Variants in GABBR2 observed in about 807,000 individuals in gnomAD.
The protein encoded by GABBR2 is G-protein coupled receptor 51.
Under a neutral mutation model 105.6 loss-of-function variants are expected in GABBR2, and 23 were observed. The observed-to-expected ratio is 0.22, with a 90% confidence interval of 0.16 to 0.31. The LOEUF (loss-of-function observed/expected upper bound fraction) is 0.31. GABBR2 is among the 10% of genes least tolerant of loss of function. The pLI is 1.00. For synonymous variants in GABBR2, 478 were observed against 499.7 expected, an observed-to-expected ratio of 0.96 and a Z score of 0.58; for missense variants, 734 against 1,245.5, an observed-to-expected ratio of 0.59 and a Z score of 6.18.
chr9:98,393,167 C>G lies in GABBR2; in HGVS notation c.1378+1008G>C, dbSNP rs1280924123. On this transcript the variant is annotated intron_variant, in intron 9 of 18. Transcript: ENST00000259455. ...CCACTCATCCACCAACCCATCCATCCATCCATCCATCCATCCATCTATCCA... is the reference window on the plus strand; with the variant it reads ...CCACTCATCCACCAACCCATCCATCGATCCATCCATCCATCCATCTATCCA... 8.5e-3 allele frequency among the ~76,000 whole-genome samples: 1,243 copies of G among 146,346 alleles called. 2 individuals are homozygous for G. The highest frequency in any genetic ancestry group is 0.03 in the African/African-American group (1,162 of 39,224).
At chr9:98,676,897 A>G (rs1830484790) in intron 1 of GABBR2, among the ~76,000 whole-genome samples, 1 of 152,232 alleles carries the variant, frequency 6.6e-6, no homozygotes, top group Non-Finnish European at 1.5e-5. Flanking sequence ...AAACACAGAA[A>G]CAGATCTTTA....
intron 1 of GABBR2, among the ~76,000 whole-genome samples, chr9:98,658,422 TGA>T (rs1830211399): frequency 6.6e-6 from 1 of 152,106 alleles, no homozygotes; most frequent in Non-Finnish European, 1.5e-5. Context: ...AATGAATGAA[TGA>T]ATGTATGCTG....
intron 1 of GABBR2, among the ~76,000 whole-genome samples, chr9:98,612,858 C>T (rs59296507): frequency 0.013 from 2,016 of 152,190 alleles, 44 homozygotes; most frequent in African/African-American, 0.046. Context: ...CAAGTAAAGG[C>T]GGGGGCCAGA....
chr9:98,443,784 A>G (rs2131590081), intron 7 of GABBR2, among the ~76,000 whole-genome samples: 1 of 152,340 alleles, frequency 6.6e-6, no homozygotes, highest in East Asian at 1.9e-4. Flanking sequence ...GCAGATAGAC[A>G]CACAAATAAT....
At chr9:98,435,075 C>T (rs892819300) in intron 7 of GABBR2, among the ~76,000 whole-genome samples, 1 of 152,212 alleles carries the variant, frequency 6.6e-6, no homozygotes, top group African/African-American at 2.4e-5. Flanking sequence ...CAAAGCTCTT[C>T]TGCACACTCC....
chr9:98,520,849 A>T (rs1206973549), intron 3 of GABBR2, among the ~76,000 whole-genome samples: 1 of 152,176 alleles, frequency 6.6e-6, no homozygotes, highest in African/African-American at 2.4e-5. Context: ...GACTGGCAAC[A>T]CCATGTTTGG....
chr9:98,301,262 C>T (rs1830464543), intron 16 of GABBR2, among the ~76,000 whole-genome samples: 1 of 152,178 alleles, frequency 6.6e-6, no homozygotes, highest in Non-Finnish European at 1.5e-5. Flanking sequence ...GGGGACTGAG[C>T]CCTCAACCTG....
intron 16 of GABBR2, 115 bp downstream of exon 16, chr9:98,303,126 G>A: frequency 1.3e-6 from 1 of 751,476 alleles, no homozygotes; most frequent in Non-Finnish European, 2.2e-6. Flanking sequence ...TGCAGCTGAT[G>A]AGACTGCACG....
intron 11 of GABBR2, among the ~76,000 whole-genome samples, chr9:98,381,666 C>T (rs1831978662): frequency 6.6e-6 from 1 of 152,208 alleles, no homozygotes; most frequent in Non-Finnish European, 1.5e-5. Context: ...CATGTGGACT[C>T]CCCTTTGTAG....
chr9:98,307,171 C>T (rs2131356520), intron 14 of GABBR2, among the ~76,000 whole-genome samples: 2 of 152,330 alleles, frequency 1.3e-5, no homozygotes, highest in East Asian at 1.9e-4. Flanking sequence ...AGGAACATTT[C>T]CTGTCTCTTC....
At chr9:98,648,599 T>G (rs186893701) in intron 1 of GABBR2, among the ~76,000 whole-genome samples, 1 of 152,278 alleles carries the variant, frequency 6.6e-6, no homozygotes, top group East Asian at 1.9e-4. Context: ...CTTCTCCCTC[T>G]CCAAGTCTCA....
chr9:98,419,636 T>G (rs759811716), intron 7 of GABBR2, among the ~76,000 whole-genome samples: 23 of 152,176 alleles, frequency 1.5e-4, no homozygotes, highest in Non-Finnish European at 2.9e-4. Flanking sequence ...GTCAGGGGCT[T>G]CTCATGTTCA....
intron 3 of GABBR2, among the ~76,000 whole-genome samples, chr9:98,498,291 A>C (rs946755227): frequency 1.3e-5 from 2 of 152,218 alleles, no homozygotes; most frequent in Non-Finnish European, 2.9e-5. Flanking sequence ...ATGAAAAAAA[A>C]AGTTCTGCAG....
rs376889851 is a variant in GABBR2 at position 98,299,208 on chromosome 9, G to T, written c.2542+16C>A. ...ACCAAGGTCCCTACCACATTCTGGG[G>T]CCCTGGCTCTCTTACCTGTGCTCTC... is the stretch of plus-strand genomic sequence containing the variant. On this transcript the variant is annotated intron_variant, in intron 17 of 18. Transcript: ENST00000259455. 12 of 1,611,840 alleles carry T rather than the reference G, an allele frequency of 7.4e-6. No individual in the cohort carries two copies. Among genetic ancestry groups the T allele is most frequent in the Non-Finnish European group, 9.3e-6 (11 of 1,178,172 alleles).
At chr9:98,661,506 T>A (rs1406142545) in intron 1 of GABBR2, among the ~76,000 whole-genome samples, 2 of 152,086 alleles carry the variant, frequency 1.3e-5, no homozygotes, top group Non-Finnish European at 1.5e-5. Context: ...TTTCAAGTGA[T>A]TCTCCTGCCT....
chr9:98,686,267 TC>T (rs1289742539), intron 1 of GABBR2, among the ~76,000 whole-genome samples: 1 of 152,008 alleles, frequency 6.6e-6, no homozygotes, highest in Non-Finnish European at 1.5e-5. Context: ...TAATTTCCCA[TC>T]CCTCCCAACC....
At chr9:98,425,529 C>A (rs891022369) in intron 7 of GABBR2, among the ~76,000 whole-genome samples, 1 of 152,194 alleles carries the variant, frequency 6.6e-6, no homozygotes, top group Non-Finnish European at 1.5e-5. Context: ...GTATAACACG[C>A]AGAGCAAACA....
chr9:98,504,466 C>G (rs1468871077), intron 3 of GABBR2, among the ~76,000 whole-genome samples: 1 of 152,190 alleles, frequency 6.6e-6, no homozygotes, highest in Non-Finnish European at 1.5e-5. Flanking sequence ...CAGAAAGGCA[C>G]AGATCCAGGT....
intron 7 of GABBR2, among the ~76,000 whole-genome samples, chr9:98,417,773 G>C (rs1171565651): frequency 6.6e-6 from 1 of 152,200 alleles, no homozygotes; most frequent in Non-Finnish European, 1.5e-5. Context: ...TGAGTTGCTA[G>C]GAGAGAGTGG....
Sources: allele counts gnomAD v4.1 joint callset (sites outside exome capture counted in the v4.1 genomes callset), GRCh38; gene constraint gnomAD v4.1.1; transcripts MANE v1.5; gene names NCBI Gene and HGNC (gene_info 2026-07-23, HGNC 2026-07-21).